The following AKAP13 variants were observed in gnomAD, a reference collection of about 807,000 sequenced individuals.
AKAP13 encodes A-kinase anchor protein 13.
In AKAP13, 80 loss-of-function variants were observed where a neutral mutation model predicts 264.5. That is an observed-to-expected ratio of 0.30 (90% CI 0.25 to 0.36). AKAP13 has a LOEUF of 0.36. Ranked by LOEUF, AKAP13 falls within the 10% of genes least tolerant of loss-of-function variation. The pLI, the probability that AKAP13 is intolerant of heterozygous loss-of-function variation, is 1.00. For synonymous variants in AKAP13, 1,380 were observed against 1,250.2 expected (o/e 1.10, Z -2.19); for missense variants, 3,712 against 3,435.2 (o/e 1.08, Z -2.01).
chr15:85,419,004 G>C (rs1430617470), intron 1 of AKAP13, among the ~76,000 whole-genome samples: 1 of 152,172 alleles, frequency 6.6e-6, no homozygotes, highest in Non-Finnish European at 1.5e-5. Context: ...TGGATTCTGT[G>C]CTCAAGGATG....
At chr15:85,524,486 T>C (rs2076948077) in intron 3 of AKAP13, among the ~76,000 whole-genome samples, 1 of 148,342 alleles carries the variant, frequency 6.7e-6, no homozygotes, top group Admixed American at 6.7e-5. Flanking sequence ...TTCTTGCTTT[T>C]ATTATTATTT....
chr15:85,466,612 G>T (rs1243188269), intron 1 of AKAP13, among the ~76,000 whole-genome samples: 1 of 152,104 alleles, frequency 6.6e-6, no homozygotes, highest in Non-Finnish European at 1.5e-5. Flanking sequence ...AAATAGGGAA[G>T]GATCTTAGTC....
Position 85,533,773 on chromosome 15 carries a change from C to T in AKAP13, c.371C>T (p.Pro124Leu). The T allele has an allele frequency of 6.2e-7, 1 of 1,613,952 alleles. No homozygotes were observed. The highest frequency in any genetic ancestry group is 8.5e-7 in the Non-Finnish European group (1 of 1,179,958). The change falls in exon 4 of 37, where the codon CCC becomes CTC. Residue 124 changes from proline (P) to leucine (L), a missense_variant. Pro to Leu is a moderately conservative substitution (Grantham distance 98, BLOSUM62 -3). Around this residue, in one of 3 missense-constraint regions of AKAP13, gnomAD observed 2,759 missense variants for 2,411.7 expected, o/e 1.14. Transcript: ENST00000394518. ...NFTRFLDQSG[P>L]PSGDVNSLDK... is the part of the protein sequence containing the mutation. ...ACCCGTTTTCTTGACCAGTCAGGAC[C>T]CCCATCTGGGGATGTGAATTCCCTT...
chr15:85,724,822 C>T lies in AKAP13; in HGVS notation c.6745+1502C>T, dbSNP rs541110001. Among the ~76,000 whole-genome samples the T allele has an allele frequency of 6.6e-6, 1 of 151,992 alleles. No individual in the cohort carries two copies. The highest frequency in any genetic ancestry group is 2.1e-4 in the South Asian group (1 of 4,806). The stretch of plus-strand genomic sequence containing the variant: ...GAGCTCATCTGGGCCTGCATTGTAG[C>T]AGAAGGCATAAAAAAGAAGGGCAGA... On this transcript the variant is annotated intron_variant, in intron 26 of 36. Coordinates refer to ENST00000394518, the MANE Select transcript of AKAP13 (RefSeq NM_007200.5). The surrounding 1 kb of genome is among the most constrained non-coding windows in gnomAD (Gnocchi z 4.2).
chr15:85,497,679 AC>A (rs2075910233), intron 2 of AKAP13, among the ~76,000 whole-genome samples: 1 of 152,028 alleles, frequency 6.6e-6, no homozygotes, highest in Non-Finnish European at 1.5e-5. Context: ...TTAAAAATTC[AC>A]TTCATCAAAT....
chr15:85,677,941 C>G (rs1156803545), intron 14 of AKAP13, among the ~76,000 whole-genome samples: 5 of 152,180 alleles, frequency 3.3e-5, no homozygotes, highest in African/African-American at 1.2e-4. Flanking sequence ...AGCCACAGCG[C>G]CCAGCCGGAG....
intron 3 of AKAP13, 74 bp from the exon 4 acceptor site, chr15:85,533,510 T>C (rs1444446693): frequency 6.3e-6 from 9 of 1,433,930 alleles, no homozygotes; most frequent in Non-Finnish European, 8.4e-6. Flanking sequence ...AAATAAGAGC[T>C]AAGAGGATCC....
intron 26 of AKAP13, among the ~76,000 whole-genome samples, chr15:85,725,859 C>A (rs180968274): frequency 6.6e-6 from 1 of 152,324 alleles, no homozygotes; most frequent in African/African-American, 2.4e-5. Flanking sequence ...ACCTGTAAGA[C>A]TGGAAGGCGC....
At chr15:85,615,575 C>A (rs1254796571) in intron 8 of AKAP13, among the ~76,000 whole-genome samples, 1 of 152,172 alleles carries the variant, frequency 6.6e-6, no homozygotes, top group East Asian at 1.9e-4. Flanking sequence ...ATACATTTTA[C>A]CACCAACATA....
chr15:85,622,309 C>T (rs2151424011), intron 8 of AKAP13, among the ~76,000 whole-genome samples: 1 of 152,266 alleles, frequency 6.6e-6, no homozygotes, highest in African/African-American at 2.4e-5. Flanking sequence ...ATTTAAAAAG[C>T]TGATCTCCAG....
intron 8 of AKAP13, among the ~76,000 whole-genome samples, chr15:85,597,249 A>G (rs1166211265): frequency 1.3e-5 from 2 of 152,182 alleles, no homozygotes; most frequent in Non-Finnish European, 2.9e-5. Context: ...TTTGCAAGAA[A>G]GGAACTGGAG....
At chr15:85,641,555 G>T (rs549801293) in intron 9 of AKAP13, among the ~76,000 whole-genome samples, 4 of 151,016 alleles carry the variant, frequency 2.6e-5, no homozygotes, top group Admixed American at 2.0e-4. Context: ...GCACAATCTC[G>T]GCTCACTGCA....
intron 1 of AKAP13, among the ~76,000 whole-genome samples, chr15:85,381,050 C>A (rs1050756497): frequency 7.2e-5 from 11 of 152,062 alleles, no homozygotes; most frequent in Admixed American, 3.3e-4. Flanking sequence ...GCGCGCCTCC[C>A]ACTCCGCAGC....
At chr15:85,473,430 T>C (rs1344912512) in intron 1 of AKAP13, among the ~76,000 whole-genome samples, 2 of 152,288 alleles carry the variant, frequency 1.3e-5, no homozygotes, top group Non-Finnish European at 2.9e-5. Context: ...AGATTATAGA[T>C]AGAATGAACT....
At chr15:85,552,649 A>G (rs1825046828) in intron 5 of AKAP13, among the ~76,000 whole-genome samples, 1 of 106,540 alleles carries the variant, frequency 9.4e-6, no homozygotes, top group Non-Finnish European at 1.8e-5. Flanking sequence ...TTTTTTTGAG[A>G]CGGAGTCTCG....
At chr15:85,421,103 C>G (rs1347135315) in intron 1 of AKAP13, among the ~76,000 whole-genome samples, 2 of 152,156 alleles carry the variant, frequency 1.3e-5, no homozygotes, top group African/African-American at 2.4e-5. Flanking sequence ...CCTAGTTTCT[C>G]AAGTTTTAGA....
chr15:85,586,057 A>T (rs2079325866), intron 8 of AKAP13, among the ~76,000 whole-genome samples: 2 of 152,246 alleles, frequency 1.3e-5, no homozygotes. Flanking sequence ...CTTATAGATT[A>T]TGCTGAAAAA....
intron 4 of AKAP13, among the ~76,000 whole-genome samples, chr15:85,540,639 G>A (rs890011634): frequency 2.0e-5 from 3 of 152,206 alleles, no homozygotes; most frequent in African/African-American, 7.2e-5. Flanking sequence ...GAGCTCTGCA[G>A]TTTAAACACA....
At position 85,658,603 on chromosome 15, in the gene AKAP13, T is replaced by G. The variant is rs1174978840; in HGVS notation, c.4799+13T>G. ...TTCATAGGAGAAGGTACAGAGTTCA[T>G]TAACTTGATGGACTAACCATGTCAC... On this transcript the variant is annotated intron_variant, in intron 12 of 36. Transcript: ENST00000394518. The G allele has an allele frequency of 6.2e-7, 1 of 1,611,080 alleles. No homozygotes were observed. The highest frequency in any genetic ancestry group is 8.5e-7 in the Non-Finnish European group (1 of 1,177,680).
Sources: gnomAD v4.1 joint callset for allele counts (sites outside exome capture counted in the v4.1 genomes callset) on GRCh38, gnomAD v4.1.1 for gene constraint, gnomAD v4.1.1 regional missense constraint, Gnocchi (gnomAD v3.1) non-coding constraint, MANE v1.5 for transcripts, NCBI Gene and HGNC (gene_info 2026-07-23, HGNC 2026-07-21) for gene names.